Variants in BRD9 observed in about 807,000 individuals in gnomAD.
The protein encoded by BRD9 is bromodomain containing 9.
Under a neutral mutation model 68.7 loss-of-function variants are expected in BRD9, and 47 were observed. The observed-to-expected ratio is 0.68, with a 90% CI of 0.54 to 0.87. The LOEUF (loss-of-function observed/expected upper bound fraction) is 0.87, where lower values mean the gene tolerates loss of function less well. Ranked by LOEUF, BRD9 falls within the 40% of genes least tolerant of loss-of-function variation. The pLI is 0.00. For synonymous variants in BRD9, 313 were observed against 293.9 expected (o/e 1.06, Z -0.67); for missense variants, 670 against 748.4 (o/e 0.90, Z 1.22).
At chr5:871,687 C>G (rs1579919488) in intron 12 of BRD9, 123 bp from the exon 13 acceptor site, 1 of 907,306 alleles carries the variant, frequency 1.1e-6, no homozygotes, top group African/African-American at 1.6e-5. Flanking sequence ...GCTCCCCAGT[C>G]ACACCATCTT....
At position 864,004 on chromosome 5, in the gene BRD9, A is replaced by G. The variant is rs1291275954; in HGVS notation, c.*464T>C. 1 of 157,600 alleles carries G rather than the reference A, an allele frequency of 6.3e-6. No homozygotes were observed. The highest frequency in any genetic ancestry group is 2.4e-5 in the African/African-American group (1 of 41,524). 9.8% of individuals were successfully genotyped at this position (157,600 alleles called of 1,614,324 possible). A position where few individuals can be genotyped will look rare whatever the true frequency, so the allele number is the denominator to read the frequency against. On this transcript the variant is annotated 3_prime_UTR_variant, in exon 16 of 16. Transcript: ENST00000467963. ...TGCCTCCCAAGAGCGACCCCAGGAC[A>G]GTGGGGCAGACAGAGGTGTCTACAC... is the stretch of plus-strand genomic sequence containing the variant.
chr5:875,535 A>G (rs1466804907), intron 12 of BRD9, among the ~76,000 whole-genome samples: 1 of 152,074 alleles, frequency 6.6e-6, no homozygotes, highest in Non-Finnish European at 1.5e-5. Flanking sequence ...TTTTTAGTAG[A>G]GACGGGGTTT....
chr5:878,565 G>A (rs1263330879), intron 10 of BRD9, 78 bp from the exon 11 acceptor site: 3 of 1,592,074 alleles, frequency 1.9e-6, no homozygotes, highest in Admixed American at 3.4e-5. Flanking sequence ...TTCTCCAGGG[G>A]CTGAGGGACC....
chr5:883,205 GTTC>G (rs1560917884), intron 8 of BRD9: 4 of 400,836 alleles, frequency 1.0e-5, no homozygotes, highest in Non-Finnish European at 5.0e-6. Context: ...CCACTTCAGC[GTTC>G]TTTACATCCC....
intron 14 of BRD9, chr5:870,241 C>T: frequency 2.0e-6 from 1 of 491,256 alleles, no homozygotes; most frequent in Non-Finnish European, 3.7e-6. Flanking sequence ...CCTGAGGTTA[C>T]CCAGGGGCTG....
chr5:873,645 C>T (rs1324527357), intron 12 of BRD9, among the ~76,000 whole-genome samples: 4 of 152,186 alleles, frequency 2.6e-5, no homozygotes, highest in Non-Finnish European at 5.9e-5. Context: ...TATACATGAG[C>T]CTCCTGGCCC....
At chr5:880,996 G>T in intron 9 of BRD9, 111 bp downstream of exon 9, 1 of 1,121,068 alleles carries the variant, frequency 8.9e-7, no homozygotes, top group Non-Finnish European at 1.3e-6. Context: ...AAGCCGGGCA[G>T]CCTCTCATGC....
chr5:885,905 G>A (rs999159406), intron 7 of BRD9, among the ~76,000 whole-genome samples: 1 of 152,180 alleles, frequency 6.6e-6, no homozygotes, highest in African/African-American at 2.4e-5. Flanking sequence ...CGTGTGATAC[G>A]GACTTTGATA....
At position 887,485 on chromosome 5, in the gene BRD9, A is replaced by G. The variant is rs1259293359; in HGVS notation, c.607-14T>C. On this transcript the variant is annotated splice_polypyrimidine_tract_variant and intron_variant, in intron 5 of 15. Transcript: ENST00000467963. ...CTTGAAATCTGCCTGAAAAGAAAAC[A>G]GGAAAGACTTATCAGGTTTGAAATG... The G allele has an allele frequency of 5.6e-6, 9 of 1,594,278 alleles. No individual in the cohort carries two copies. Among genetic ancestry groups the G allele is most frequent in the Non-Finnish European group, 7.7e-6 (9 of 1,162,556 alleles).
At chr5:878,604 C>A in intron 10 of BRD9, 117 bp from the exon 11 acceptor site, 1 of 1,427,188 alleles carries the variant, frequency 7.0e-7, no homozygotes, top group South Asian at 1.3e-5. Flanking sequence ...ACCCCAGTCT[C>A]ACCTCTCTTG....
At chr5:885,584 G>A (rs1752436042) in intron 7 of BRD9, among the ~76,000 whole-genome samples, 1 of 152,238 alleles carries the variant, frequency 6.6e-6, no homozygotes, top group Non-Finnish European at 1.5e-5. Context: ...CACTTCAGCA[G>A]AAACCATCCT....
intron 8 of BRD9, 99 bp downstream of exon 8, chr5:883,839 G>A (rs574562191): frequency 2.2e-5 from 33 of 1,499,922 alleles, no homozygotes; most frequent in African/African-American, 8.3e-5. Context: ...TCTGGATCCC[G>A]GTGGCTGTGC....
chr5:877,810 G>A (rs917019146), intron 11 of BRD9, among the ~76,000 whole-genome samples: 1 of 152,162 alleles, frequency 6.6e-6, no homozygotes, highest in African/African-American at 2.4e-5. Flanking sequence ...GCAGTGACAT[G>A]AGGCCATTAG....
At chr5:877,733 C>T (rs952645759) in intron 11 of BRD9, among the ~76,000 whole-genome samples, 7 of 152,186 alleles carry the variant, frequency 4.6e-5, no homozygotes, top group Admixed American at 2.0e-4. Context: ...GTTGAAATCC[C>T]GACCCCAGTG....
At position 887,211 on chromosome 5, in the gene BRD9, G is replaced by A. The variant is rs77202576; in HGVS notation, c.717+150C>T. On this transcript the variant is annotated intron_variant, in intron 6 of 15. Coordinates refer to ENST00000467963, the MANE Select transcript of BRD9 (RefSeq NM_023924.5). ...TAGGTCATGAGCAGAGAGGGCGGCC[G>A]GGGACGTCTACCCTAGAGCAAAGGG... is the stretch of plus-strand genomic sequence containing the variant. The A allele has an allele frequency of 1.3e-4, 87 of 657,398 alleles. 1 individual carries two copies. Among genetic ancestry groups the A allele is most frequent in the East Asian group, 1.2e-3 (44 of 37,874 alleles). 40.7% of individuals were successfully genotyped at this position (657,398 alleles called of 1,614,324 possible).
rs778389951 is a variant in BRD9 at position 876,120 on chromosome 5, G to A, written c.1364C>T (p.Thr455Met). Residue 455 changes from threonine (T) to methionine (M), a missense_variant, in exon 12 of 16, where the codon ACG (threonine) becomes ATG (methionine). Transcript: ENST00000467963. ...DQITGGDHSRTLFQLKQRRNV... is the reference protein window; with the variant it reads ...DQITGGDHSRMLFQLKQRRNV... ...GCCCACCTGCTTCAGCTGGAAGAGC[G>A]TCCTAGAGTGGTCTCCGCCTGTGAT... The A allele has an allele frequency of 8.7e-6, 14 of 1,612,928 alleles. No homozygotes were observed. The East Asian group carries it at 1.6e-4, about 18-fold the overall frequency.
chr5:881,548 G>T (rs901563581), intron 8 of BRD9: 2 of 331,710 alleles, frequency 6.0e-6, no homozygotes, highest in Non-Finnish European at 5.7e-6. Flanking sequence ...AGCATGTGTG[G>T]ACTGGTTTTC....
At chr5:871,863 G>A (rs1750185385) in intron 12 of BRD9, among the ~76,000 whole-genome samples, 1 of 152,234 alleles carries the variant, frequency 6.6e-6, no homozygotes, top group Non-Finnish European at 1.5e-5. Context: ...GGCAGCCTTG[G>A]GTGGCTTAAA....
At chr5:873,989 G>A (rs937813322) in intron 12 of BRD9, among the ~76,000 whole-genome samples, 14 of 152,304 alleles carry the variant, frequency 9.2e-5, no homozygotes, top group African/African-American at 2.9e-4. Flanking sequence ...GGTAGGATCC[G>A]GCCATTATCC....
Sources: allele counts gnomAD v4.1 joint callset (sites outside exome capture counted in the v4.1 genomes callset), GRCh38; gene constraint gnomAD v4.1.1; transcripts MANE v1.5; gene names NCBI Gene and HGNC (gene_info 2026-07-23, HGNC 2026-07-21).